CCDC148: variants seen among roughly 807,000 people sequenced by gnomAD.
The protein encoded by CCDC148 is coiled-coil domain-containing protein 148.
A neutral mutation model predicts 85.7 loss-of-function variants in CCDC148; 89 were observed. That is an observed-to-expected ratio of 1.04 (90% CI 0.87 to 1.24). The LOEUF is 1.24. Among genes scored for constraint, CCDC148 ranks in the 50% most tolerant of loss-of-function variants. The pLI, the probability that CCDC148 is intolerant of heterozygous loss-of-function variation, is 0.00. For missense variants in CCDC148, 692 were observed against 671.7 expected, an observed-to-expected ratio of 1.03 and a Z score of -0.33; for synonymous variants, 230 against 213.9, an observed-to-expected ratio of 1.08 and a Z score of -0.66.
chr2:158,229,164 T>C (rs1194622356), intron 10 of CCDC148, among the ~76,000 whole-genome samples: 1 of 152,064 alleles, frequency 6.6e-6, no homozygotes, highest in Non-Finnish European at 1.5e-5. Context: ...TTCCTCTTCC[T>C]CCAGAATTCT....
At chr2:158,425,554 T>C (rs1341271937) in intron 1 of CCDC148, among the ~76,000 whole-genome samples, 1 of 152,190 alleles carries the variant, frequency 6.6e-6, no homozygotes, top group Non-Finnish European at 1.5e-5. Flanking sequence ...TGATTTTATA[T>C]TAAACCTCAA....
chr2:158,173,664 C>A (rs533142744), intron 13 of CCDC148, among the ~76,000 whole-genome samples: 6 of 152,084 alleles, frequency 3.9e-5, no homozygotes, highest in African/African-American at 1.2e-4. Context: ...GGGCTTGGGG[C>A]AACGATGAGT....
intron 11 of CCDC148, among the ~76,000 whole-genome samples, chr2:158,185,720 CTTAT>C (rs937753312): frequency 2.0e-5 from 3 of 152,122 alleles, no homozygotes; most frequent in African/African-American, 7.2e-5. Context: ...TCTGCCACAA[CTTAT>C]TTATTCTTCT....
intron 9 of CCDC148, among the ~76,000 whole-genome samples, chr2:158,286,240 G>C (rs947779520): frequency 6.6e-6 from 1 of 152,116 alleles, no homozygotes; most frequent in Non-Finnish European, 1.5e-5. Flanking sequence ...GCAAAAGATT[G>C]TATAGCACCT....
At chr2:158,402,657 T>C (rs921496397) in intron 1 of CCDC148, among the ~76,000 whole-genome samples, 2 of 152,068 alleles carry the variant, frequency 1.3e-5, no homozygotes, top group African/African-American at 4.8e-5. Context: ...TTAACAGATA[T>C]ATTAATCCTA....
chr2:158,262,843 A>AGGGC (rs2105154058), intron 9 of CCDC148, among the ~76,000 whole-genome samples: 1 of 152,210 alleles, frequency 6.6e-6, no homozygotes, highest in African/African-American at 2.4e-5. Flanking sequence ...GTGGGGACAC[A>AGGGC]GAGACAAACC....
chr2:158,337,446 A>C (rs1682446598), intron 7 of CCDC148, among the ~76,000 whole-genome samples: 1 of 152,170 alleles, frequency 6.6e-6, no homozygotes, highest in South Asian at 2.1e-4. Flanking sequence ...GGGAGTGGGA[A>C]GACAATGTTC....
intron 11 of CCDC148, among the ~76,000 whole-genome samples, chr2:158,206,280 T>G (rs976684805): frequency 4.6e-5 from 7 of 152,066 alleles, no homozygotes; most frequent in Admixed American, 4.6e-4. Flanking sequence ...ACCAACTCAT[T>G]AAACGAATGT....
At chr2:158,242,459 G>A (rs1688389239) in intron 10 of CCDC148, among the ~76,000 whole-genome samples, 1 of 152,022 alleles carries the variant, frequency 6.6e-6, no homozygotes, top group South Asian at 2.1e-4. Flanking sequence ...ACACTGAAAT[G>A]GAGAAAAAGT....
Position 158,283,333 on chromosome 2 carries a change from T to C in CCDC148, c.1110+26100A>G, listed in dbSNP as rs558243557. On this transcript the variant is annotated intron_variant, in intron 9 of 13. Transcript: ENST00000283233. ...ACAGCAAAAGAAACTACCATCAGAG[T>C]GAACAGGCAACCTACAACATGGGAG... 8.9e-3 allele frequency among the ~76,000 whole-genome samples: 1,353 copies of C among 152,130 alleles called. 8 individuals are homozygous for C. The highest frequency in any genetic ancestry group is 0.015 in the Non-Finnish European group (1,019 of 68,010).
At position 158,340,663 on chromosome 2, in the gene CCDC148, T is replaced by C. The variant is rs774169295; in HGVS notation, c.269A>G (p.Glu90Gly). ...LNEVRCKMESEIKSLLNEENI... is the reference protein window; with the variant it reads ...LNEVRCKMESGIKSLLNEENI... ...CTCTTCATTGAGAAGGGATTTTATT[T>C]CAGATTCCATTTTACATCTGAAATA... The change falls in exon 4 of 14, where the codon GAA becomes GGA. Residue 90 changes from glutamate (E) to glycine (G), a missense_variant. Glu to Gly is a moderately conservative substitution (Grantham distance 98). Transcript: ENST00000283233. The C allele has an allele frequency of 1.3e-6, 2 of 1,572,416 alleles. No homozygotes were observed. The highest frequency in any genetic ancestry group is 3.5e-5 in the Admixed American group (2 of 57,774).
chr2:158,234,691 T>C (rs1688016738), intron 10 of CCDC148, among the ~76,000 whole-genome samples: 1 of 152,136 alleles, frequency 6.6e-6, no homozygotes, highest in Admixed American at 6.6e-5. Flanking sequence ...GATGTAACAC[T>C]ATGCAACCAC....
chr2:158,340,788 A>C (rs2105243399), intron 3 of CCDC148, 108 bp from the exon 4 acceptor site: 1 of 668,522 alleles, frequency 1.5e-6, no homozygotes, highest in East Asian at 2.8e-5. Flanking sequence ...TCATCTGTTC[A>C]TTTAAACCAT....
intron 10 of CCDC148, among the ~76,000 whole-genome samples, chr2:158,226,078 A>G (rs1687501347): frequency 6.6e-6 from 1 of 152,240 alleles, no homozygotes; most frequent in Admixed American, 6.5e-5. Flanking sequence ...AAAGCAGAAA[A>G]GAGAGAAGAA....
intron 9 of CCDC148, among the ~76,000 whole-genome samples, chr2:158,284,297 A>G (rs909721390): frequency 3.4e-5 from 5 of 148,420 alleles, no homozygotes; most frequent in African/African-American, 7.4e-5. Flanking sequence ...AAGAAAACCA[A>G]TAATGACAGA....
At chr2:158,347,818 GT>G (rs1378151551) in intron 2 of CCDC148, among the ~76,000 whole-genome samples, 1 of 152,150 alleles carries the variant, frequency 6.6e-6, no homozygotes, top group East Asian at 1.9e-4. Context: ...GTATATGTTT[GT>G]CAAATTTCAC....
chr2:158,298,556 AT>A (rs1372023999), intron 9 of CCDC148, among the ~76,000 whole-genome samples: 1 of 151,020 alleles, frequency 6.6e-6, no homozygotes, highest in Non-Finnish European at 1.5e-5. Flanking sequence ...TCACTTTATT[AT>A]TTTTTCTTTA....
chr2:158,334,060 A>G (rs796125569), intron 7 of CCDC148, among the ~76,000 whole-genome samples: 43 of 152,230 alleles, frequency 2.8e-4, no homozygotes, highest in African/African-American at 9.9e-4. Flanking sequence ...GGGAATTTTT[A>G]TCAGATATTT....
intron 8 of CCDC148, among the ~76,000 whole-genome samples, chr2:158,310,779 G>A (rs1048690785): frequency 5.3e-5 from 8 of 150,156 alleles, no homozygotes; most frequent in Non-Finnish European, 1.0e-4. Flanking sequence ...GGGCAGAGGC[G>A]ATCCCCACAT....
Sources: allele counts gnomAD v4.1 joint callset (sites outside exome capture counted in the v4.1 genomes callset), GRCh38; gene constraint gnomAD v4.1.1; transcripts MANE v1.5; gene names NCBI Gene and HGNC (gene_info 2026-07-23, HGNC 2026-07-21).